The following TFDP1 variants were observed in gnomAD, a reference collection of about 807,000 sequenced individuals.
The protein encoded by TFDP1 is DRTF1-polypeptide 1.
Under a neutral mutation model 48.0 loss-of-function variants are expected in TFDP1, and 6 were observed. The observed-to-expected ratio is 0.13, with a 90% CI of 0.07 to 0.25. The LOEUF (loss-of-function observed/expected upper bound fraction) is 0.25, where lower values mean the gene tolerates loss of function less well. TFDP1 is among the 10% of genes least tolerant of loss of function. TFDP1 has a pLI of 1.00. For synonymous variants in TFDP1, 201 were observed against 211.6 expected, an observed-to-expected ratio of 0.95 and a Z score of 0.44; for missense variants, 335 against 543.0, an observed-to-expected ratio of 0.62 and a Z score of 3.81.
rs567206865 is a variant in TFDP1 at position 113,611,396 on chromosome 13, C to T, written c.79+334C>T. ...TGACGTTTCAGCTGTGGTGTGGGCT[C>T]TTCCAGAGGCCGGCCTCACCTGTGC... On this transcript the variant is annotated intron_variant, in intron 3 of 11. Coordinates refer to ENST00000375370, the MANE Select transcript of TFDP1 (RefSeq NM_007111.5). Among the ~76,000 whole-genome samples the T allele has an allele frequency of 3.3e-5, 5 of 152,382 alleles. No individual in the cohort carries two copies. In the East Asian group the frequency reaches 7.7e-4, roughly 23 times the overall value.
chr13:113,595,474 C>G (rs928736537), intron 2 of TFDP1, among the ~76,000 whole-genome samples: 1 of 152,088 alleles, frequency 6.6e-6, no homozygotes, highest in Non-Finnish European at 1.5e-5. Context: ...TGGATCTGTC[C>G]GAGAGAGTCC....
At position 113,629,810 on chromosome 13, in the gene TFDP1, G is replaced by A. The variant is rs562262094; in HGVS notation, c.187-1813G>A. 3.3e-5 allele frequency among the ~76,000 whole-genome samples: 5 copies of A among 152,326 alleles called. No homozygotes were observed. The East Asian group carries it at 5.8e-4, about 18-fold the overall frequency. On this transcript the variant is annotated intron_variant, in intron 4 of 11. Coordinates refer to ENST00000375370, the MANE Select transcript of TFDP1 (RefSeq NM_007111.5). The stretch of plus-strand genomic sequence containing the variant: ...ACTCTTTGTGAGTAGGTTTGCTCCT[G>A]CCTGGAGGACAGCGGCACGGTGACG...
intron 2 of TFDP1, among the ~76,000 whole-genome samples, chr13:113,600,173 A>G (rs2048377948): frequency 6.7e-6 from 1 of 149,384 alleles, no homozygotes; most frequent in African/African-American, 2.5e-5. Context: ...CAGGACCGTG[A>G]GAGAGAATCC....
chr13:113,614,819 C>T (rs1201467137), intron 3 of TFDP1, among the ~76,000 whole-genome samples: 2 of 152,206 alleles, frequency 1.3e-5, no homozygotes, highest in Admixed American at 6.5e-5. Context: ...GCCGTCAGGG[C>T]GGAACCTGCA....
chr13:113,621,286 T>C (rs895106349), intron 3 of TFDP1, among the ~76,000 whole-genome samples: 1 of 152,136 alleles, frequency 6.6e-6, no homozygotes, highest in African/African-American at 2.4e-5. Context: ...GACCCGAAAG[T>C]CTGTGTTTTC....
chr13:113,603,978 C>T (rs1013040742), intron 2 of TFDP1, among the ~76,000 whole-genome samples: 2 of 151,916 alleles, frequency 1.3e-5, no homozygotes, highest in African/African-American at 2.4e-5. Context: ...GCCTGGGCAG[C>T]GTAATGAGAC....
intron 3 of TFDP1, among the ~76,000 whole-genome samples, chr13:113,612,700 T>A (rs1442279576): frequency 2.0e-5 from 3 of 152,272 alleles, no homozygotes; most frequent in African/African-American, 7.2e-5. Flanking sequence ...TCTTACCACA[T>A]GTGGGCTGTC....
chr13:113,638,636 A>G (rs2049564627), intron 11 of TFDP1, among the ~76,000 whole-genome samples: 1 of 152,270 alleles, frequency 6.6e-6, no homozygotes, highest in South Asian at 2.1e-4. Context: ...TTGTATGAAT[A>G]TATATTGTTT....
chr13:113,610,849 G>A (rs1047231526), intron 2 of TFDP1, 147 bp from the exon 3 acceptor site: 4 of 719,818 alleles, frequency 5.6e-6, no homozygotes, highest in Non-Finnish European at 9.6e-6. Flanking sequence ...CGTTCTCCTG[G>A]TTGTTCCTGG....
chr13:113,609,036 G>C (rs2048640384), intron 2 of TFDP1, among the ~76,000 whole-genome samples: 1 of 152,264 alleles, frequency 6.6e-6, no homozygotes, highest in South Asian at 2.1e-4. Context: ...CCGGCCTTCA[G>C]GCACCATCGT....
At chr13:113,588,141 T>C (rs2048050819) in intron 2 of TFDP1, among the ~76,000 whole-genome samples, 1 of 152,230 alleles carries the variant, frequency 6.6e-6, no homozygotes, top group African/African-American at 2.4e-5. Context: ...TGAGCCGCTG[T>C]GCCCAGCCCA....
intron 2 of TFDP1, among the ~76,000 whole-genome samples, chr13:113,595,907 C>G (rs1488485751): frequency 1.3e-5 from 2 of 152,172 alleles, no homozygotes; most frequent in African/African-American, 4.8e-5. Context: ...ATGGTGAAAC[C>G]CCGTCTCTAC....
intron 5 of TFDP1, among the ~76,000 whole-genome samples, chr13:113,632,896 T>A (rs2049375529): frequency 6.6e-6 from 1 of 152,202 alleles, no homozygotes; most frequent in African/African-American, 2.4e-5. Flanking sequence ...AGGTTAGAGG[T>A]GCAGCCTGCT....
At chr13:113,631,548 C>T (rs1368345755) in intron 4 of TFDP1, 75 bp from the exon 5 acceptor site, 11 of 1,525,834 alleles carry the variant, frequency 7.2e-6, no homozygotes, top group African/African-American at 1.4e-5. Flanking sequence ...CTGCGGATAG[C>T]GAACAGATGG....
intron 4 of TFDP1, among the ~76,000 whole-genome samples, chr13:113,628,226 A>G (rs570507889): frequency 6.4e-4 from 92 of 143,424 alleles, no homozygotes; most frequent in African/African-American, 2.5e-3. Flanking sequence ...GAGCCGTGTA[A>G]AGACTGTCTG....
intron 2 of TFDP1, among the ~76,000 whole-genome samples, chr13:113,599,837 A>G (rs1474025724): frequency 6.9e-6 from 1 of 145,654 alleles, no homozygotes; most frequent in African/African-American, 2.6e-5. Flanking sequence ...CAGGACCATG[A>G]GAAAGAACCC....
chr13:113,592,309 C>T (rs2048165922), intron 2 of TFDP1, among the ~76,000 whole-genome samples: 1 of 152,240 alleles, frequency 6.6e-6, no homozygotes, highest in Non-Finnish European at 1.5e-5. Flanking sequence ...GCATGCGCCA[C>T]CATACCCTGC....
chr13:113,593,359 T>C (rs1209776585), intron 2 of TFDP1, among the ~76,000 whole-genome samples: 2 of 127,354 alleles, frequency 1.6e-5, no homozygotes, highest in Non-Finnish European at 3.3e-5. Flanking sequence ...GTGCTGTGTG[T>C]GGGTCCTCAC....
intron 2 of TFDP1, among the ~76,000 whole-genome samples, chr13:113,589,385 A>G (rs1012288250): frequency 2.0e-5 from 3 of 152,138 alleles, no homozygotes; most frequent in African/African-American, 7.2e-5. Context: ...TTTATGATCA[A>G]GATTATGGGC....
Sources: allele counts gnomAD v4.1 joint callset (sites outside exome capture counted in the v4.1 genomes callset), GRCh38; gene constraint gnomAD v4.1.1; transcripts MANE v1.5; gene names NCBI Gene and HGNC (gene_info 2026-07-23, HGNC 2026-07-21).